FMNL2: variants seen among roughly 807,000 people sequenced by gnomAD.
FMNL2 encodes formin like 2, also known as formin-like protein 2.
FMNL2 carries 51 observed loss-of-function variants against 130.2 expected under a neutral mutation model. The ratio of observed to expected loss-of-function variants is 0.39; its 90% CI spans 0.31 to 0.49. The LOEUF is 0.49. Among genes scored for constraint, FMNL2 ranks in the 20% least tolerant of loss-of-function variants. The probability of loss-of-function intolerance (pLI) is 0.85; values close to 1 mark genes in which losing one functional copy is unlikely to be tolerated. For missense variants in FMNL2, 977 were observed against 1,316.2 expected (o/e 0.74, Z 3.99); for synonymous variants, 465 against 467.1 (o/e 1.00, Z 0.06).
In FMNL2 at chr2:152,456,413, G is replaced by T. The variant is rs1169823573; in HGVS notation, c.118-65530G>T. 2.0e-5 allele frequency among the ~76,000 whole-genome samples: 3 copies of T among 152,278 alleles called. No homozygotes were observed. The South Asian group carries it at 6.2e-4, about 32-fold the overall frequency. Reference sequence around the variant, plus strand: ...GACAGGGTTTCGCCATGTTGCCTAGGCTGGTCTTGAATTCCTGACCTCAAG... The same window carrying T: ...GACAGGGTTTCGCCATGTTGCCTAGTCTGGTCTTGAATTCCTGACCTCAAG... On this transcript the variant is annotated intron_variant, in intron 1 of 25. Transcript: ENST00000288670.
intron 4 of FMNL2, among the ~76,000 whole-genome samples, chr2:152,556,313 C>T (rs779873706): frequency 7.2e-5 from 11 of 152,140 alleles, no homozygotes; most frequent in Non-Finnish European, 1.0e-4. Context: ...GATCAAATCC[C>T]AGGGAGGATC....
intron 9 of FMNL2, among the ~76,000 whole-genome samples, chr2:152,594,126 T>G (rs1697629146): frequency 6.6e-6 from 1 of 152,156 alleles, no homozygotes; most frequent in African/African-American, 2.4e-5. Flanking sequence ...TATATTGTGA[T>G]GTAAGTTTTT....
At chr2:152,584,763 G>A (rs535780870) in intron 9 of FMNL2, among the ~76,000 whole-genome samples, 1 of 152,268 alleles carries the variant, frequency 6.6e-6, no homozygotes, top group East Asian at 1.9e-4. Context: ...AGATTTTTAT[G>A]TATGACTACA....
intron 1 of FMNL2, among the ~76,000 whole-genome samples, chr2:152,444,976 G>C (rs549959058): frequency 6.6e-6 from 1 of 152,162 alleles, no homozygotes; most frequent in Non-Finnish European, 1.5e-5. Flanking sequence ...CAGTTCTGTC[G>C]TTCTCCTCTG....
At chr2:152,394,046 CT>C (rs1225471610) in intron 1 of FMNL2, among the ~76,000 whole-genome samples, 1 of 152,158 alleles carries the variant, frequency 6.6e-6, no homozygotes, top group Non-Finnish European at 1.5e-5. Context: ...TTTGCTGACC[CT>C]TGTAATAGAT....
At chr2:152,629,754 G>A (rs1682043205) in intron 19 of FMNL2, 30 bp downstream of exon 19, 1 of 1,601,836 alleles carries the variant, frequency 6.2e-7, no homozygotes, top group Non-Finnish European at 8.5e-7. Context: ...TAGGTATGAA[G>A]GACTACTTCA....
intron 6 of FMNL2, 41 bp from the exon 7 acceptor site, chr2:152,575,095 G>A: frequency 1.6e-6 from 2 of 1,260,340 alleles, no homozygotes; most frequent in South Asian, 2.6e-5. Flanking sequence ...TGCTAAGAAA[G>A]TAACCTGTTG....
chr2:152,542,842 C>T (rs1297257945), intron 3 of FMNL2, 23 bp downstream of exon 3: 1 of 1,610,130 alleles, frequency 6.2e-7, no homozygotes. Flanking sequence ...TGTTTCCACT[C>T]TTTGTTATTG....
At chr2:152,606,137 T>C (rs756664183) in intron 9 of FMNL2, among the ~76,000 whole-genome samples, 5 of 152,204 alleles carry the variant, frequency 3.3e-5, no homozygotes, top group Non-Finnish European at 7.3e-5. Flanking sequence ...ATTAAATGGC[T>C]GCATTATGAA....
At chr2:152,364,258 T>TG (rs1300910491) in intron 1 of FMNL2, among the ~76,000 whole-genome samples, 4 of 45,556 alleles carry the variant, frequency 8.8e-5, no homozygotes, top group African/African-American at 1.9e-4. Context: ...AGGAGGTTTG[T>TG]GTGTTTTTTT....
intron 2 of FMNL2, among the ~76,000 whole-genome samples, chr2:152,529,981 T>G (rs1693601500): frequency 6.6e-6 from 1 of 152,142 alleles, no homozygotes; most frequent in African/African-American, 2.4e-5. Context: ...GAAAAGAAAC[T>G]TTTAGGCTGT....
intron 6 of FMNL2, among the ~76,000 whole-genome samples, chr2:152,561,750 G>A (rs1036843958): frequency 4.6e-5 from 7 of 151,502 alleles, no homozygotes; most frequent in African/African-American, 1.2e-4. Flanking sequence ...ATTTTTTTTT[G>A]TAATTCTAGT....
At chr2:152,461,059 T>G (rs973544715) in intron 1 of FMNL2, among the ~76,000 whole-genome samples, 2 of 152,022 alleles carry the variant, frequency 1.3e-5, no homozygotes, top group Non-Finnish European at 2.9e-5. Context: ...ACCAGAAAGG[T>G]TGGGGGCTGC....
chr2:152,565,046 T>A (rs1354169069), intron 6 of FMNL2, among the ~76,000 whole-genome samples: 1 of 152,152 alleles, frequency 6.6e-6, no homozygotes, highest in East Asian at 1.9e-4. Flanking sequence ...TAAGATAGGT[T>A]TCTGTCAGTG....
chr2:152,388,312 G>T (rs1269450625), intron 1 of FMNL2, among the ~76,000 whole-genome samples: 3 of 152,168 alleles, frequency 2.0e-5, no homozygotes, highest in African/African-American at 7.2e-5. Flanking sequence ...AAAGGAAGAG[G>T]TTTAATTGAC....
intron 1 of FMNL2, among the ~76,000 whole-genome samples, chr2:152,455,173 G>C (rs116532592): frequency 6.6e-6 from 1 of 152,072 alleles, no homozygotes; most frequent in South Asian, 2.1e-4. Context: ...GGGAGGGCAA[G>C]GGGAACACCA....
Position 152,439,402 on chromosome 2 carries a change from G to T in FMNL2, c.118-82541G>T, listed in dbSNP as rs567508941. On this transcript the variant is annotated intron_variant, in intron 1 of 25. Transcript: ENST00000288670. The stretch of plus-strand genomic sequence containing the variant: ...GACAAGTTTTGTTGGATATGTGTGT[G>T]TTTTGGTTTTTTAATCAAGCCAGGT... Among the ~76,000 whole-genome samples the T allele has an allele frequency of 7.9e-5, 12 of 152,174 alleles. 1 individual carries two copies. The South Asian group carries it at 2.1e-3, about 26-fold the overall frequency.
chr2:152,515,581 A>C (rs1296832223), intron 1 of FMNL2, among the ~76,000 whole-genome samples: 1 of 152,184 alleles, frequency 6.6e-6, no homozygotes, highest in Non-Finnish European at 1.5e-5. Flanking sequence ...AGTTCAAATA[A>C]GTCATATTTT....
chr2:152,548,491 A>G (rs1024179669), intron 3 of FMNL2, among the ~76,000 whole-genome samples: 3 of 152,208 alleles, frequency 2.0e-5, no homozygotes, highest in Non-Finnish European at 4.4e-5. Context: ...CCAGCTCCCA[A>G]TAAGAACCTG....
Sources: allele counts gnomAD v4.1 joint callset (sites outside exome capture counted in the v4.1 genomes callset), GRCh38; gene constraint gnomAD v4.1.1; transcripts MANE v1.5; gene names NCBI Gene and HGNC (gene_info 2026-07-23, HGNC 2026-07-21).